SLC7A8: variants seen among roughly 807,000 people sequenced by gnomAD.
The protein encoded by SLC7A8 is solute carrier family 7 member 8.
In SLC7A8, 30 loss-of-function variants were observed where a neutral mutation model predicts 51.2. The ratio of observed to expected loss-of-function variants is 0.59; its 90% CI spans 0.44 to 0.80. SLC7A8 has a LOEUF of 0.80. Ranked by LOEUF, SLC7A8 falls within the 30% of genes least tolerant of loss-of-function variation. The probability of loss-of-function intolerance (pLI) is 0.00; values close to 1 mark genes in which losing one functional copy is unlikely to be tolerated. For missense variants in SLC7A8, 612 were observed against 674.4 expected, an observed-to-expected ratio of 0.91 and a Z score of 1.03; for synonymous variants, 257 against 275.8, an observed-to-expected ratio of 0.93 and a Z score of 0.67.
rs537105062 is a variant in SLC7A8, at chr14:23,166,383, A to G, written c.309T>C (p.Ser103=). Residue 103 remains serine, a synonymous_variant, in exon 2 of 11, where the codon TCT becomes TCC. Coordinates refer to ENST00000316902, the MANE Select transcript of SLC7A8 (RefSeq NM_012244.4). The part of the protein sequence containing the change: ...YAELGVTIPK[S]GGDYSYVKDI... ...CCTTGACATAGGAGTAGTCACCTCC[A>G]GATTTGGGGATGGTGACCCCGAGTT... The G allele has an allele frequency of 5.0e-6, 8 of 1,614,010 alleles. No homozygotes were observed. The highest frequency in any genetic ancestry group is 4.0e-5 in the African/African-American group (3 of 74,922).
At chr14:23,145,047 C>T (rs2048779683) in intron 3 of SLC7A8, among the ~76,000 whole-genome samples, 1 of 151,182 alleles carries the variant, frequency 6.6e-6, no homozygotes, top group African/African-American at 2.4e-5. Context: ...ATTCTCCTGC[C>T]TCAGCTGGGA....
rs569698188 is a variant in SLC7A8, at chr14:23,126,509, T to G, written c.*668A>C. The stretch of plus-strand genomic sequence containing the variant: ...GGGGCAGGGCTGGGTTTCTGCAATC[T>G]GAACCTTTCTCAATATGTTCCTCAA... On this transcript the variant is annotated 3_prime_UTR_variant, in exon 11 of 11. Transcript: ENST00000316902. 4 of 153,212 alleles carry G rather than the reference T, an allele frequency of 2.6e-5. 1 individual carries two copies. The highest frequency in any genetic ancestry group is 9.6e-5 in the African/African-American group (4 of 41,552). The allele number at this position is 153,212 out of a possible 1,614,324, so 9.5% of individuals were successfully genotyped here.
chr14:23,165,177 G>A lies in SLC7A8; in HGVS notation c.508+108C>T, dbSNP rs935571210. 43 of 1,170,766 alleles carry A rather than the reference G, an allele frequency of 3.7e-5. No individual in the cohort carries two copies. The African/African-American group carries it at 4.5e-4, about 12-fold the overall frequency. The allele number at this position is 1,170,766 out of a possible 1,614,324, so 72.5% of individuals were successfully genotyped here. A position where few individuals can be genotyped will look rare whatever the true frequency, so the allele number is the denominator to read the frequency against. On this transcript the variant is annotated intron_variant, in intron 3 of 10. Transcript: ENST00000316902. The surrounding 1 kb of genome is among the most constrained non-coding windows in gnomAD (Gnocchi z 4.2). The stretch of plus-strand genomic sequence containing the variant: ...AGGCTGCAGTGAGCTATGATCATGC[G>A]GCTGCGCTCCAGCCTGAGTGACAGA...
intron 3 of SLC7A8, among the ~76,000 whole-genome samples, chr14:23,160,883 C>T (rs2048917639): frequency 6.6e-6 from 1 of 152,168 alleles, no homozygotes; most frequent in Admixed American, 6.5e-5. Context: ...TCCACTCCCA[C>T]TAATATACTT....
intron 3 of SLC7A8, among the ~76,000 whole-genome samples, chr14:23,145,256 T>C (rs2048782449): frequency 1.3e-5 from 2 of 150,102 alleles, no homozygotes; most frequent in Non-Finnish European, 1.5e-5. Context: ...TGGCCGGGCA[T>C]GGTGGCTCAC....
At chr14:23,173,574 G>A (rs1329478196) in intron 1 of SLC7A8, among the ~76,000 whole-genome samples, 1 of 152,150 alleles carries the variant, frequency 6.6e-6, no homozygotes, top group Non-Finnish European at 1.5e-5. Flanking sequence ...ATGCACTCTG[G>A]TATCTTCCAA....
chr14:23,151,749 T>TAAAAAA (rs60024939), intron 3 of SLC7A8, among the ~76,000 whole-genome samples: 6 of 100,862 alleles, frequency 5.9e-5, no homozygotes, highest in Non-Finnish European at 6.0e-5. Context: ...CCCTGTCTCT[T>TAAAAAA]AAAAAAAAAA....
intron 3 of SLC7A8, 62 bp from the exon 4 acceptor site, chr14:23,143,266 G>C: frequency 6.3e-7 from 1 of 1,598,972 alleles, no homozygotes; most frequent in East Asian, 2.2e-5. Flanking sequence ...GATGCCCAAG[G>C]CACACAAGCA....
At chr14:23,147,032 G>A (rs1231012911) in intron 3 of SLC7A8, 1 of 152,012 alleles carries the variant, frequency 6.6e-6, no homozygotes. Context: ...GCCACATGTA[G>A]ATGAGGATCA....
In SLC7A8 at chr14:23,129,685, G is replaced by A. The variant is rs761696643; in HGVS notation, c.1228C>T (p.Arg410Cys). 1.1e-5 allele frequency: 17 copies of A among 1,614,068 alleles called. No individual in the cohort carries two copies. The highest frequency in any genetic ancestry group is 1.4e-5 in the Non-Finnish European group (16 of 1,180,044). The change falls in exon 9 of 11, where the codon CGC (arginine) becomes TGC (cysteine). Residue 410 changes from arginine (R) to cysteine (C), a missense_variant. By Grantham distance (180) the Arg-to-Cys change is radical. Transcript: ENST00000316902. ...GVTVAGQIVLRWKKPDIPRPI... is the reference protein window; with the variant it reads ...GVTVAGQIVLCWKKPDIPRPI... ...CGGGGGATATCAGGCTTCTTCCAGC[G>A]AAGGACTATCTGTCCAGCAACCGTG...
intron 10 of SLC7A8, 86 bp from the exon 11 acceptor site, chr14:23,127,429 C>G: frequency 6.6e-7 from 1 of 1,504,370 alleles, no homozygotes; most frequent in Non-Finnish European, 9.1e-7. Flanking sequence ...CCTGGCTCTC[C>G]TGCTCCAGGT....
At chr14:23,173,544 C>G (rs2048985173) in intron 1 of SLC7A8, among the ~76,000 whole-genome samples, 2 of 152,194 alleles carry the variant, frequency 1.3e-5, no homozygotes, top group African/African-American at 4.8e-5. Context: ...CAATGGTTCC[C>G]CCCATTCTAC....
At chr14:23,155,434 G>C in intron 3 of SLC7A8, 4 of 1,437,200 alleles carry the variant, frequency 2.8e-6, no homozygotes, top group Non-Finnish European at 3.6e-6. Context: ...AGCTGCTGGA[G>C]CTGGGGTTTC....
intron 7 of SLC7A8, among the ~76,000 whole-genome samples, chr14:23,133,539 G>A (rs1377608514): frequency 6.6e-6 from 1 of 151,550 alleles, no homozygotes. Context: ...AAGATGAAAT[G>A]TTATGGGCTA....
At chr14:23,166,588 G>A (rs370606207) in intron 1 of SLC7A8, 48 bp from the exon 2 acceptor site, 27 of 1,598,718 alleles carry the variant, frequency 1.7e-5, no homozygotes, top group African/African-American at 5.4e-5. Context: ...GAGACAGGAC[G>A]GTTGGCAGGA....
chr14:23,142,205 G>C (rs768581202), intron 4 of SLC7A8, among the ~76,000 whole-genome samples: 2 of 152,132 alleles, frequency 1.3e-5, no homozygotes, highest in Non-Finnish European at 2.9e-5. Flanking sequence ...TTCCCTGTTT[G>C]TCACCTGACT....
rs752529547 is a variant in SLC7A8, at chr14:23,128,218, C to A, written c.1264-22G>T. Reference sequence around the variant, plus strand: ...TGATCTGTGGAGCAGAGGCATGAGGCGTATGAACTGTGTAGGCCACGTGGC... The same window carrying A: ...TGATCTGTGGAGCAGAGGCATGAGGAGTATGAACTGTGTAGGCCACGTGGC... On this transcript the variant is annotated intron_variant, in intron 9 of 10. Transcript: ENST00000316902. This position sits in a 1 kb window ranked among gnomAD's most constrained non-coding sequence, Gnocchi z 4.3. The A allele has an allele frequency of 1.2e-6, 2 of 1,613,298 alleles. No individual in the cohort carries two copies. The highest frequency in any genetic ancestry group is 2.2e-5 in the South Asian group (2 of 90,960).
intron 1 of SLC7A8, among the ~76,000 whole-genome samples, chr14:23,180,029 A>C (rs556537010): frequency 3.6e-4 from 55 of 150,788 alleles, no homozygotes; most frequent in Middle Eastern, 3.4e-3. Context: ...CCTCAGCCTC[A>C]CGAGTAGCTG....
Position 23,128,010 on chromosome 14 carries a change from A to G in SLC7A8, c.1441+9T>C. ...GCCCTGAAGCCAGCCAGAGCCTCCA[A>G]CAACTCACCAATGAAGTCACTGAAA... On this transcript the variant is annotated intron_variant, in intron 10 of 10. Transcript: ENST00000316902. The surrounding 1 kb of genome is among the most constrained non-coding windows in gnomAD (Gnocchi z 4.3). 2 of 1,611,650 alleles carry G rather than the reference A, an allele frequency of 1.2e-6. No homozygotes were observed. Among genetic ancestry groups the G allele is most frequent in the East Asian group, 2.2e-5 (1 of 44,824 alleles).
Sources: allele counts gnomAD v4.1 joint callset (sites outside exome capture counted in the v4.1 genomes callset), GRCh38; gene constraint gnomAD v4.1.1; non-coding constraint Gnocchi (gnomAD v3.1); transcripts MANE v1.5; gene names NCBI Gene and HGNC (gene_info 2026-07-23, HGNC 2026-07-21).